BAIAP3: variants seen among roughly 807,000 people sequenced by gnomAD.
The protein encoded by BAIAP3 is BAI1-associated protein 3.
Under a neutral mutation model 149.7 loss-of-function variants are expected in BAIAP3, and 180 were observed. That is an observed-to-expected ratio of 1.20 (90% CI 1.07 to 1.36). BAIAP3 has a LOEUF of 1.36. Among genes scored for constraint, BAIAP3 ranks in the 40% most tolerant of loss-of-function variants. The pLI, the probability that BAIAP3 is intolerant of heterozygous loss-of-function variation, is 0.00. For missense variants in BAIAP3, 1,767 were observed against 1,563.4 expected (o/e 1.13, Z -2.20); for synonymous variants, 845 against 670.7 (o/e 1.26, Z -4.02).
chr16:1,339,619 C>T lies in BAIAP3; in HGVS notation c.408+16C>T, dbSNP rs779735780. On this transcript the variant is annotated intron_variant, in intron 5 of 33. Transcript: ENST00000426824. ...TCTCCAGCAGGTCAGCCCACCCTGA[C>T]CCCGACCCAGACCCTGACAGCTTCC... 1.3e-6 allele frequency: 2 copies of T among 1,598,330 alleles called. No homozygotes were observed. The highest frequency in any genetic ancestry group is 1.1e-5 in the South Asian group (1 of 89,232).
chr16:1,338,083 C>T (rs917284426), intron 1 of BAIAP3, among the ~76,000 whole-genome samples: 6 of 152,174 alleles, frequency 3.9e-5, no homozygotes, highest in African/African-American at 1.4e-4. Flanking sequence ...TCCGTCCTGG[C>T]CCCAGAGTCG....
intron 10 of BAIAP3, 27 bp from the exon 11 acceptor site, chr16:1,342,154 G>A (rs773761546): frequency 1.0e-5 from 16 of 1,582,800 alleles, no homozygotes; most frequent in African/African-American, 4.0e-5. Context: ...AGCCATCAGC[G>A]TGATGCTCAC....
chr16:1,347,405 T>C (rs1408919392), intron 29 of BAIAP3, 36 bp downstream of exon 29: 1 of 1,608,018 alleles, frequency 6.2e-7, no homozygotes, highest in African/African-American at 1.3e-5. Flanking sequence ...GGGGTGTGGA[T>C]GAGGGGACTG....
At position 1,348,273 on chromosome 16, in the gene BAIAP3, C is replaced by T. The variant is rs2034529833; in HGVS notation, c.3327C>T (p.Thr1109=). 1.9e-6 allele frequency: 3 copies of T among 1,601,238 alleles called. No individual in the cohort carries two copies. In the African/African-American group the frequency reaches 4.0e-5, roughly 21 times the overall value. The part of the protein sequence containing the change: ...GGGARAGQPV[T]LHLCRPRAQV... The stretch of plus-strand genomic sequence containing the variant: ...GTGCAAGGGCTGGGCAGCCTGTCAC[C>T]CTGCACCTGTGCCGGCCCAGAGCCC... The change falls in exon 33 of 34, where the codon ACC becomes ACT. Residue 1109 remains threonine (T), a synonymous_variant. Coordinates refer to ENST00000426824, the MANE Select transcript of BAIAP3 (RefSeq NM_001199097.2).
At position 1,343,431 on chromosome 16, in the gene BAIAP3, C is replaced by T. The variant is rs749521546; in HGVS notation, c.1304C>T (p.Thr435Met). 45 of 1,579,790 alleles carry T rather than the reference C, an allele frequency of 2.8e-5. No homozygotes were observed. The Middle Eastern group carries it at 6.6e-4, about 23-fold the overall frequency. ...QVSSRHHQTC[T>M]LDYSYLLGLL... ...AGCAGCCGCCACCATCAAACCTGCACGCTGGACTACAGCTACCTGCTGGGG... is the reference window on the plus strand; with the variant it reads ...AGCAGCCGCCACCATCAAACCTGCATGCTGGACTACAGCTACCTGCTGGGG... Residue 435 changes from threonine to methionine, a missense_variant, in exon 15 of 34, where the codon ACG becomes ATG. Transcript: ENST00000426824.
chr16:1,339,043 T>G, intron 3 of BAIAP3, 54 bp downstream of exon 3: 1 of 1,607,192 alleles, frequency 6.2e-7, no homozygotes. Context: ...GGGCTCCCCC[T>G]TTGCTCCTCC....
intron 14 of BAIAP3, 30 bp downstream of exon 14, chr16:1,343,046 G>C: frequency 6.6e-7 from 1 of 1,521,138 alleles, no homozygotes; most frequent in Non-Finnish European, 8.9e-7. Flanking sequence ...AGTGGGCGGG[G>C]AATGTGGGCG....
chr16:1,335,016 GGGA>G (rs1310400344), intron 1 of BAIAP3, among the ~76,000 whole-genome samples: 1 of 152,182 alleles, frequency 6.6e-6, no homozygotes, highest in Admixed American at 6.5e-5. Flanking sequence ...GCCTGCACTG[GGGA>G]GGAAGGCTGA....
Position 1,344,686 on chromosome 16 carries a change from G to T in BAIAP3, c.1745G>T (p.Ser582Ile). Residue 582 changes from serine to isoleucine, a missense_variant, in exon 19 of 34, where the codon AGC becomes ATC. Ser to Ile is a moderately radical substitution (Grantham distance 142). Transcript: ENST00000426824. ...DLQFCYSVYA[S>I]LFHSILNVDV... ...CAGTTCTGCTACAGTGTGTACGCCA[G>T]CCTCTTCCACAGGTGGGCCTGGCCC... The T allele has an allele frequency of 6.2e-7, 1 of 1,613,640 alleles. No homozygotes were observed. The highest frequency in any genetic ancestry group is 8.5e-7 in the Non-Finnish European group (1 of 1,180,022).
rs758504213 is a variant in BAIAP3, at chr16:1,348,319, T to C, written c.3355+18T>C. On this transcript the variant is annotated intron_variant, in intron 33 of 33. Coordinates refer to ENST00000426824, the MANE Select transcript of BAIAP3 (RefSeq NM_001199097.2). ...AGCCCAGGGTGAGTGAGCATCTGGGTGGAGGCAGGGGCAGCGGGCCTGACC... is the reference window on the plus strand; with the variant it reads ...AGCCCAGGGTGAGTGAGCATCTGGGCGGAGGCAGGGGCAGCGGGCCTGACC... The C allele has an allele frequency of 2.2e-5, 35 of 1,602,868 alleles. No individual in the cohort carries two copies. The African/African-American group carries it at 4.3e-4, about 20-fold the overall frequency.
chr16:1,340,564 GAC>G (rs373810449), intron 5 of BAIAP3, among the ~76,000 whole-genome samples: 1 of 150,944 alleles, frequency 6.6e-6, no homozygotes, highest in African/African-American at 2.4e-5. Flanking sequence ...GGTGCACACA[GAC>G]ACACACAGGC....
At chr16:1,347,489 T>A in intron 29 of BAIAP3, 56 bp from the exon 30 acceptor site, 1 of 1,566,344 alleles carries the variant, frequency 6.4e-7, no homozygotes, top group East Asian at 2.4e-5. Flanking sequence ...GGTCTCCAAG[T>A]GCCAGCGCTG....
intron 22 of BAIAP3, 71 bp downstream of exon 22, chr16:1,345,443 C>T: frequency 7.3e-7 from 1 of 1,377,780 alleles, no homozygotes; most frequent in South Asian, 1.4e-5. Context: ...TCCCCAGCAA[C>T]CCCAGCCTCC....
At chr16:1,345,928 GGA>G (rs754162221) in intron 23 of BAIAP3, 38 bp downstream of exon 23, 1 of 1,582,080 alleles carries the variant, frequency 6.3e-7, no homozygotes. Flanking sequence ...GGAACGGGTG[GGA>G]GAGGAGATGG....
chr16:1,334,571 C>A, intron 1 of BAIAP3: 1 of 1,263,226 alleles, frequency 7.9e-7, no homozygotes, highest in Non-Finnish European at 1.1e-6. Flanking sequence ...TGGGCGCCAG[C>A]GGCTGGACCT....
intron 1 of BAIAP3, chr16:1,334,452 G>A: frequency 3.5e-6 from 2 of 578,462 alleles, no homozygotes; most frequent in Non-Finnish European, 6.2e-6. Flanking sequence ...GGGGTGCCGC[G>A]AGGCGGGGCA....
intron 8 of BAIAP3, 51 bp downstream of exon 8, chr16:1,341,540 A>C: frequency 1.3e-6 from 2 of 1,565,520 alleles, no homozygotes; most frequent in African/African-American, 1.3e-5. Flanking sequence ...CCTGGGGTCC[A>C]GAGCTGGGCT....
chr16:1,342,651 T>TCCCCGTCCTCCAC lies in BAIAP3; in HGVS notation c.1065+27_1065+39dup. 6.2e-7 allele frequency: 1 copy of TCCCCGTCCTCCAC among 1,601,952 alleles called. No individual in the cohort carries two copies. Among genetic ancestry groups the TCCCCGTCCTCCAC allele is most frequent in the South Asian group, 1.1e-5 (1 of 89,614 alleles). On this transcript the variant is annotated intron_variant, in intron 12 of 33. Coordinates refer to ENST00000426824, the MANE Select transcript of BAIAP3 (RefSeq NM_001199097.2). ...ACTACGCAGGTGGGGAAAGTGGGCG[T>TCCCCGTCCTCCAC]CCCCGTCCTCCACCCCCGTCCTTGG... is the stretch of plus-strand genomic sequence containing the variant.
chr16:1,341,971 C>A lies in BAIAP3; in HGVS notation c.777-15C>A. On this transcript the variant is annotated splice_polypyrimidine_tract_variant and intron_variant, in intron 9 of 33. Transcript: ENST00000426824. Reference sequence around the variant, plus strand: ...CGGGCTCCAGACAAGCCAGGTCCTCCCCTGTCCCCACCAGGGATCATGACG... The same window carrying A: ...CGGGCTCCAGACAAGCCAGGTCCTCACCTGTCCCCACCAGGGATCATGACG... 6.3e-7 allele frequency: 1 copy of A among 1,588,650 alleles called. No individual in the cohort carries two copies. The highest frequency in any genetic ancestry group is 1.1e-5 in the South Asian group (1 of 87,160).
Sources: allele counts gnomAD v4.1 joint callset (sites outside exome capture counted in the v4.1 genomes callset), GRCh38; gene constraint gnomAD v4.1.1; transcripts MANE v1.5; gene names NCBI Gene and HGNC (gene_info 2026-07-23, HGNC 2026-07-21).